Variants in MRPS28 observed in about 807,000 individuals in gnomAD.
MRPS28 encodes the protein small ribosomal subunit protein bS1m.
A neutral mutation model predicts 10.8 loss-of-function variants in MRPS28; 7 were observed. The observed-to-expected ratio is 0.65, with a 90% confidence interval of 0.37 to 1.22. MRPS28 has a LOEUF of 1.22. Among genes scored for constraint, MRPS28 ranks in the 50% most tolerant of loss-of-function variants. The pLI is 0.02. For synonymous variants in MRPS28, 121 were observed against 93.3 expected (o/e 1.30, Z -1.71); for missense variants, 265 against 232.9 (o/e 1.14, Z -0.90).
chr8:79,985,654 G>A (rs922212449), intron 2 of MRPS28, among the ~76,000 whole-genome samples: 6 of 152,126 alleles, frequency 3.9e-5, no homozygotes, highest in Non-Finnish European at 8.8e-5. Flanking sequence ...ACACCTCTAC[G>A]CAAATAAACT....
At chr8:79,975,540 A>G (rs192020566) in intron 2 of MRPS28, among the ~76,000 whole-genome samples, 6 of 152,342 alleles carry the variant, frequency 3.9e-5, no homozygotes, top group African/African-American at 1.2e-4. Context: ...ATAAACTAAC[A>G]AGAAAGTGAT....
chr8:79,919,939 C>CCTCCCCG (rs904979457), intron 2 of MRPS28, among the ~76,000 whole-genome samples: 6 of 106,550 alleles, frequency 5.6e-5, no homozygotes, highest in Non-Finnish European at 5.4e-5. Flanking sequence ...TAATGCTATC[C>CCTCCCCG]CTCCCCCCAC....
chr8:79,939,896 G>A (rs996764103), intron 2 of MRPS28, among the ~76,000 whole-genome samples: 21 of 152,072 alleles, frequency 1.4e-4, no homozygotes, highest in African/African-American at 4.8e-4. Context: ...CGTGAACCCG[G>A]GAGGCGGAGC....
At chr8:79,958,971 A>G (rs114740522) in intron 2 of MRPS28, among the ~76,000 whole-genome samples, 2,534 of 152,254 alleles carry the variant, frequency 0.017, 63 homozygotes, top group African/African-American at 0.055. Context: ...TATGAGTTAA[A>G]GAAACAATGC....
chr8:80,029,305 G>C (rs922648021), intron 1 of MRPS28, among the ~76,000 whole-genome samples: 4 of 152,084 alleles, frequency 2.6e-5, no homozygotes, highest in African/African-American at 9.7e-5. Flanking sequence ...TGAACTGTTT[G>C]GTACTACTCC....
intron 2 of MRPS28, among the ~76,000 whole-genome samples, chr8:80,000,630 T>C (rs753016363): frequency 8.5e-5 from 13 of 152,214 alleles, no homozygotes; most frequent in Non-Finnish European, 1.6e-4. Flanking sequence ...TTGTAATAGA[T>C]GCCAGTATTT....
At chr8:79,977,949 T>C (rs1403468101) in intron 2 of MRPS28, among the ~76,000 whole-genome samples, 1 of 152,062 alleles carries the variant, frequency 6.6e-6, no homozygotes, top group African/African-American at 2.4e-5. Context: ...CTATTTCCCT[T>C]TTTCTTACAA....
chr8:79,985,884 C>T (rs572301791), intron 2 of MRPS28, among the ~76,000 whole-genome samples: 16 of 152,092 alleles, frequency 1.1e-4, no homozygotes, highest in South Asian at 8.3e-4. Flanking sequence ...TGAAACTATT[C>T]CAATCAATAG....
chr8:79,954,250 A>G (rs374457231), intron 2 of MRPS28, among the ~76,000 whole-genome samples: 4 of 152,214 alleles, frequency 2.6e-5, no homozygotes, highest in East Asian at 1.9e-4. Context: ...ATTAAACCAT[A>G]AAAAATATAG....
intron 2 of MRPS28, among the ~76,000 whole-genome samples, chr8:79,987,580 G>GA (rs1246094382): frequency 2.0e-4 from 31 of 152,154 alleles, no homozygotes; most frequent in African/African-American, 7.2e-4. Context: ...AAATTTACAA[G>GA]AAAAAATCAA....
intron 1 of MRPS28, among the ~76,000 whole-genome samples, chr8:80,026,277 A>G (rs1052550488): frequency 6.6e-6 from 1 of 152,212 alleles, no homozygotes; most frequent in Admixed American, 6.5e-5. Context: ...TCCTTACCAT[A>G]AATATGTTAG....
At chr8:79,987,166 G>A (rs888942594) in intron 2 of MRPS28, among the ~76,000 whole-genome samples, 1 of 152,154 alleles carries the variant, frequency 6.6e-6, no homozygotes, top group African/African-American at 2.4e-5. Context: ...ACAAAAACAA[G>A]CAATGGGGAA....
At chr8:79,925,367 G>A (rs1211406374) in intron 2 of MRPS28, among the ~76,000 whole-genome samples, 2 of 152,068 alleles carry the variant, frequency 1.3e-5, no homozygotes, top group Admixed American at 6.5e-5. Context: ...GAGCAAAAGA[G>A]ACTGTTCATA....
intron 2 of MRPS28, among the ~76,000 whole-genome samples, chr8:79,986,561 A>G (rs1297530264): frequency 7.9e-5 from 12 of 152,244 alleles, no homozygotes; most frequent in Admixed American, 1.3e-4. Context: ...TAAGCTGATA[A>G]GAAACTTCAG....
At chr8:79,988,369 G>A (rs1808257465) in intron 2 of MRPS28, among the ~76,000 whole-genome samples, 2 of 151,340 alleles carry the variant, frequency 1.3e-5, no homozygotes, top group Admixed American at 1.3e-4. Context: ...ACGTGTATAT[G>A]TATGTAACTA....
intron 2 of MRPS28, among the ~76,000 whole-genome samples, chr8:79,986,235 G>A (rs1808166096): frequency 6.6e-6 from 1 of 152,104 alleles, no homozygotes; most frequent in African/African-American, 2.4e-5. Flanking sequence ...AACCCTTCAT[G>A]CTAAAAACTC....
chr8:80,014,216 C>T (rs1452817743), intron 1 of MRPS28, among the ~76,000 whole-genome samples: 1 of 152,078 alleles, frequency 6.6e-6, no homozygotes, highest in African/African-American at 2.4e-5. Flanking sequence ...AGAGGCAGGG[C>T]AGTCAATATT....
intron 1 of MRPS28, among the ~76,000 whole-genome samples, chr8:80,007,134 T>C (rs1408962372): frequency 6.6e-6 from 1 of 152,186 alleles, no homozygotes; most frequent in Non-Finnish European, 1.5e-5. Context: ...AATCAATAAA[T>C]GTAATCCAGC....
intron 2 of MRPS28, among the ~76,000 whole-genome samples, chr8:79,994,093 T>C (rs1808434362): frequency 6.6e-6 from 1 of 152,152 alleles, no homozygotes; most frequent in Non-Finnish European, 1.5e-5. Context: ...CAATCCTCAT[T>C]AACACATTAG....
Sources: gnomAD v4.1 joint callset for allele counts (sites outside exome capture counted in the v4.1 genomes callset) on GRCh38, gnomAD v4.1.1 for gene constraint, MANE v1.5 for transcripts, NCBI Gene and HGNC (gene_info 2026-07-23, HGNC 2026-07-21) for gene names.